Variants in CD8B2 observed in about 807,000 individuals in gnomAD.
The protein encoded by CD8B2 is CD8B family member 2, also known as T-cell surface glycoprotein CD8 beta-2 chain.
In CD8B2, 11 loss-of-function variants were observed where a neutral mutation model predicts 23.7. That is an observed-to-expected ratio of 0.46 (90% CI 0.29 to 0.77). The LOEUF (loss-of-function observed/expected upper bound fraction) is 0.77, where lower values mean the gene tolerates loss of function less well. Ranked by LOEUF, CD8B2 falls within the 30% of genes least tolerant of loss-of-function variation. CD8B2 has a pLI of 0.09. For missense variants in CD8B2, 197 were observed against 270.5 expected (o/e 0.73, Z 1.91); for synonymous variants, 90 against 109.3 (o/e 0.82, Z 1.10).
At chr2:106,526,166 G>T (rs961575875) in intron 5 of CD8B2, among the ~76,000 whole-genome samples, 1 of 151,800 alleles carries the variant, frequency 6.6e-6, no homozygotes, top group African/African-American at 2.4e-5. Flanking sequence ...ACTTGAACCC[G>T]GGAGGCAGTG....
rs114286500 is a variant in CD8B2 at position 106,519,579 on chromosome 2, C to G, written c.620+15254C>G. On this transcript the variant is annotated intron_variant, in intron 5 of 5. Transcript: ENST00000416057. ...CCTAAGGCAGAGTGAGCCCAACAAC[C>G]CTGTGACGAAGACCATGCTCTGAAC... 8.1e-3 allele frequency among the ~76,000 whole-genome samples: 1,227 copies of G among 152,254 alleles called. 7 individuals carry two copies. Among genetic ancestry groups the G allele is most frequent in the African/African-American group, 0.028 (1,160 of 41,536 alleles).
Position 106,490,879 on chromosome 2 carries a change from C to T in CD8B2, c.49C>T (p.His17Tyr), listed in dbSNP as rs1679180983. 6.4e-7 allele frequency: 1 copy of T among 1,571,116 alleles called. No homozygotes were observed. Among genetic ancestry groups the T allele is most frequent in the African/African-American group, 1.4e-5 (1 of 74,018 alleles). ...CTGTTCTTGGCTTTTCCTAGTTCTCCATGGCAACTCAGTCCTCCAGCAGAC... is the reference window on the plus strand; with the variant it reads ...CTGTTCTTGGCTTTTCCTAGTTCTCTATGGCAACTCAGTCCTCCAGCAGAC... ...LLLAAQLTVLHGNSVLQQTPA... is the reference protein window; with the variant it reads ...LLLAAQLTVLYGNSVLQQTPA... Residue 17 changes from histidine (H) to tyrosine (Y), a missense_variant, in exon 2 of 6, where the codon CAT becomes TAT. This residue lies in a region of CD8B2 where 140 missense variants were observed against 164.2 expected (regional missense o/e 0.85). Transcript: ENST00000643224.
chr2:106,536,475 G>T (rs1680092885), intron 5 of CD8B2, among the ~76,000 whole-genome samples: 1 of 152,178 alleles, frequency 6.6e-6, no homozygotes, highest in African/African-American at 2.4e-5. Flanking sequence ...TGACATTTGG[G>T]CAGGGACACA....
chr2:106,502,778 A>G (rs553524836), intron 4 of CD8B2, among the ~76,000 whole-genome samples: 1 of 152,056 alleles, frequency 6.6e-6, no homozygotes, highest in East Asian at 1.9e-4. Flanking sequence ...CCTGGGTTTG[A>G]GTGCAACGTG....
intron 3 of CD8B2, among the ~76,000 whole-genome samples, 189 bp from the exon 4 acceptor site, chr2:106,502,285 A>T (rs1296046565): frequency 2.2e-5 from 2 of 92,392 alleles, no homozygotes; most frequent in Admixed American, 1.5e-4. Context: ...ACAGAGCAAG[A>T]CTCTGTCTCA....
chr2:106,512,924 C>T (rs553462605), downstream of CD8B2, among the ~76,000 whole-genome samples: 143 of 152,266 alleles, frequency 9.4e-4, no homozygotes, highest in Non-Finnish European at 1.8e-3. Flanking sequence ...AGCCCAGGGC[C>T]GAGGCCTGTA....
At chr2:106,500,348 A>G (rs1461064591) in intron 3 of CD8B2, among the ~76,000 whole-genome samples, 1 of 132,530 alleles carries the variant, frequency 7.5e-6, no homozygotes, top group Non-Finnish European at 1.6e-5. Context: ...GTGAAAACCC[A>G]TCTCTACTAA....
intron 1 of CD8B2, 130 bp downstream of exon 1, chr2:106,487,599 G>C (rs1235898703): frequency 2.2e-6 from 1 of 447,962 alleles, no homozygotes; most frequent in Non-Finnish European, 3.7e-6. Context: ...GGGCGCCCGG[G>C]AGGCAGCTTG....
intron 5 of CD8B2, among the ~76,000 whole-genome samples, chr2:106,533,760 A>G (rs1025312289): frequency 2.0e-5 from 3 of 152,172 alleles, no homozygotes; most frequent in African/African-American, 7.2e-5. Flanking sequence ...GGTAAGTCCT[A>G]CCCTTGGTTG....
At chr2:106,491,376 T>C (rs1679193208) in intron 2 of CD8B2, 143 bp downstream of exon 2, 5 of 735,682 alleles carry the variant, frequency 6.8e-6, no homozygotes, top group Non-Finnish European at 1.2e-5. Context: ...AAAGAACATG[T>C]GGAGACTTAC....
At chr2:106,523,026 A>G (rs1454156279) in intron 5 of CD8B2, among the ~76,000 whole-genome samples, 3 of 152,196 alleles carry the variant, frequency 2.0e-5, no homozygotes, top group South Asian at 2.1e-4. Context: ...TTATTTTGCA[A>G]TAAGCCACAT....
downstream of CD8B2, among the ~76,000 whole-genome samples, chr2:106,515,948 G>A (rs1415745215): frequency 2.6e-5 from 4 of 151,924 alleles, no homozygotes; most frequent in South Asian, 6.3e-4. Context: ...TCAGCCTCCC[G>A]AGTAGGTGGG....
rs1020090756 is a variant in CD8B2 at position 106,509,855 on chromosome 2, T to C, written c.*2915T>C. 1 of 152,184 alleles carries C rather than the reference T, an allele frequency of 6.6e-6. No individual in the cohort carries two copies. The highest frequency in any genetic ancestry group is 2.4e-5 in the African/African-American group (1 of 41,452). 9.4% of individuals were successfully genotyped at this position (152,184 alleles called of 1,614,324 possible). On this transcript the variant is annotated 3_prime_UTR_variant, in exon 6 of 6. Coordinates refer to ENST00000643224, the MANE Select transcript of CD8B2 (RefSeq NM_001349727.2). ...TTGGCATTTATCTGAAAGAAATACA[T>C]CAAAAAGTGGCATGCACAAAGAAAT...
chr2:106,496,131 T>G, intron 2 of CD8B2, 42 bp from the exon 3 acceptor site: 1 of 1,548,410 alleles, frequency 6.5e-7, no homozygotes. Context: ...GTCCACGTGG[T>G]GTTCACTTGG....
At chr2:106,544,113 T>C (rs939610057) in exon 6 of CD8B2, 3 of 398,468 alleles carry the variant, frequency 7.5e-6, no homozygotes, top group Admixed American at 4.4e-5. Context: ...TCATCAATAA[T>C]TGCAGGACTT....
chr2:106,512,065 C>T (rs1428942793), downstream of CD8B2, among the ~76,000 whole-genome samples: 1 of 152,138 alleles, frequency 6.6e-6, no homozygotes, highest in Non-Finnish European at 1.5e-5. Context: ...AAACCATGTC[C>T]ATTCTTCTAC....
intron 5 of CD8B2, among the ~76,000 whole-genome samples, chr2:106,536,138 G>A (rs976102933): frequency 1.1e-4 from 16 of 151,160 alleles, no homozygotes; most frequent in Non-Finnish European, 1.9e-4. Flanking sequence ...GGGTTCAAGC[G>A]ATTCTCCTGC....
chr2:106,499,363 C>T (rs1679358127), intron 3 of CD8B2, among the ~76,000 whole-genome samples: 2 of 152,034 alleles, frequency 1.3e-5, no homozygotes, highest in Admixed American at 6.6e-5. Flanking sequence ...CGAAACCCGT[C>T]TCCACTAAAA....
Position 106,531,400 on chromosome 2 carries a change from C to T in CD8B2, c.621-12592C>T, listed in dbSNP as rs185772071. Among the ~76,000 whole-genome samples the T allele has an allele frequency of 4.4e-3, 666 of 152,320 alleles. 3 individuals carry two copies. Among genetic ancestry groups the T allele is most frequent in the African/African-American group, 0.015 (639 of 41,560 alleles). ...TTGCCCCAAATTCTGAAACATCAGA[C>T]GCTGAAACGGGCAGGTGCCTCTATT... is the stretch of plus-strand genomic sequence containing the variant. On this transcript the variant is annotated intron_variant, in intron 5 of 5. Transcript: ENST00000416057.
Sources: gnomAD v4.1 joint callset for allele counts (sites outside exome capture counted in the v4.1 genomes callset) on GRCh38, gnomAD v4.1.1 for gene constraint, gnomAD v4.1.1 regional missense constraint, MANE v1.5 for transcripts, NCBI Gene and HGNC (gene_info 2026-07-23, HGNC 2026-07-21) for gene names.